Variants in ROCK2 observed in about 807,000 individuals in gnomAD.
ROCK2 encodes the protein rho-associated protein kinase 2.
A neutral mutation model predicts 195.1 loss-of-function variants in ROCK2; 61 were observed. The observed-to-expected ratio is 0.31, with a 90% confidence interval of 0.25 to 0.39. The LOEUF (loss-of-function observed/expected upper bound fraction) is 0.39. Ranked by LOEUF, ROCK2 falls within the 10% of genes least tolerant of loss-of-function variation. ROCK2 has a pLI of 1.00. For missense variants in ROCK2, 1,109 were observed against 1,637.4 expected (o/e 0.68, Z 5.57); for synonymous variants, 504 against 545.5 (o/e 0.92, Z 1.06).
rs1669208926 is a variant in ROCK2, at chr2:11,344,261, C to T, written c.-125G>A. On this transcript the variant is annotated 5_prime_UTR_variant, in exon 1 of 33. Transcript: ENST00000315872. This position sits in a 1 kb window ranked among gnomAD's most constrained non-coding sequence, Gnocchi z 5.4. ...ACCCGGGCCCACCGCCTGCCTCTAG[C>T]TCCGGCTTCGGGTCTCCAAGGCGGT... 7.7e-7 allele frequency: 1 copy of T among 1,294,850 alleles called. No individual in the cohort carries two copies. Among genetic ancestry groups the T allele is most frequent in the East Asian group, 3.2e-5 (1 of 31,256 alleles). The allele number at this position is 1,294,850 out of a possible 1,614,324, so 80.2% of individuals were successfully genotyped here.
intron 1 of ROCK2, among the ~76,000 whole-genome samples, chr2:11,326,815 A>C (rs951563792): frequency 1.3e-5 from 2 of 152,216 alleles, no homozygotes; most frequent in African/African-American, 4.8e-5. Flanking sequence ...GAAGGAAAGG[A>C]AGAACAAATG....
intron 3 of ROCK2, among the ~76,000 whole-genome samples, chr2:11,274,756 T>G (rs1558349602): frequency 6.6e-6 from 1 of 152,204 alleles, no homozygotes; most frequent in Non-Finnish European, 1.5e-5. Flanking sequence ...TAACTCATTC[T>G]ATGAGGCCAG....
intron 1 of ROCK2, among the ~76,000 whole-genome samples, chr2:11,340,618 T>C (rs1014449731): frequency 1.3e-5 from 2 of 152,226 alleles, no homozygotes; most frequent in African/African-American, 4.8e-5. Flanking sequence ...ATTGTATCTT[T>C]ATAATGTTCT....
intron 27 of ROCK2, among the ~76,000 whole-genome samples, chr2:11,195,572 T>C (rs1228975485): frequency 1.3e-5 from 2 of 152,228 alleles, no homozygotes; most frequent in African/African-American, 4.8e-5. Context: ...TGGAATGTAG[T>C]GGCGTAATCT....
intron 1 of ROCK2, among the ~76,000 whole-genome samples, chr2:11,306,954 G>A (rs1667877195): frequency 1.3e-5 from 2 of 152,104 alleles, no homozygotes; most frequent in South Asian, 2.1e-4. Flanking sequence ...AGGTTTTCTT[G>A]GGGGAAAAAA....
intron 32 of ROCK2, among the ~76,000 whole-genome samples, chr2:11,187,042 A>G (rs542630825): frequency 6.6e-6 from 1 of 152,210 alleles, no homozygotes; most frequent in Non-Finnish European, 1.5e-5. Context: ...CTTTGGAAAG[A>G]GTGCATTTAA....
Position 11,216,225 on chromosome 2 carries a change from A to T in ROCK2, c.1413-19T>A. 2 of 1,559,470 alleles carry T rather than the reference A, an allele frequency of 1.3e-6. No individual in the cohort carries two copies. The highest frequency in any genetic ancestry group is 8.8e-7 in the Non-Finnish European group (1 of 1,131,568). ...AACAGATCTAAAGAATTTCAGAAAGAAACAGTAAATAACTTCTAATTTACA... is the reference window on the plus strand; with the variant it reads ...AACAGATCTAAAGAATTTCAGAAAGTAACAGTAAATAACTTCTAATTTACA... On this transcript the variant is annotated intron_variant, in intron 12 of 32. Coordinates refer to ENST00000315872, the MANE Select transcript of ROCK2 (RefSeq NM_004850.5).
rs960307190 is a variant in ROCK2 at position 11,287,694 on chromosome 2, A to C, written c.184T>G (p.Leu62Val). The C allele has an allele frequency of 7.6e-7, 1 of 1,320,772 alleles. No individual in the cohort carries two copies. The highest frequency in any genetic ancestry group is 1.0e-6 in the Non-Finnish European group (1 of 987,268). The allele number at this position is 1,320,772 out of a possible 1,614,324, so 81.8% of individuals were successfully genotyped here. The change falls in exon 2 of 33, where the codon TTG (leucine) becomes GTG (valine). Residue 62 changes from leucine to valine, a missense_variant. By Grantham distance (32) the Leu-to-Val change is conservative. Around this residue, in one of 6 missense-constraint regions of ROCK2, gnomAD observed 253 missense variants for 455.5 expected, o/e 0.56. Transcript: ENST00000315872. Reference protein sequence around the residue: ...SLVLDLDFPALRKNKNIDNFL... With the variant: ...SLVLDLDFPAVRKNKNIDNFL... ...TTATCTATGTTCTTGTTTTTCCTCA[A>C]AGCAGGAAAATCTAAATCAAGGACC...
Position 11,227,386 on chromosome 2 carries a change from G to A in ROCK2, c.736C>T (p.His246Tyr). 1 of 1,612,314 alleles carries A rather than the reference G, an allele frequency of 6.2e-7. No homozygotes were observed. Among genetic ancestry groups the A allele is most frequent in the Non-Finnish European group, 8.5e-7 (1 of 1,179,248 alleles). The change falls in exon 6 of 33, where the codon CAT (histidine) becomes TAT (tyrosine). Residue 246 changes from histidine (H) to tyrosine (Y), a missense_variant. This residue lies in a region of ROCK2 where 253 missense variants were observed against 455.5 expected (regional missense o/e 0.56). Coordinates refer to ENST00000315872, the MANE Select transcript of ROCK2 (RefSeq NM_004850.5). ...CMKMDETGMV[H>Y]CDTAVGTPDY... ...GGTGTTCCAACTGCTGTATCACAAT[G>A]TACCATGCCTGTCTGCATGAACAGG...
chr2:11,205,212 G>A (rs1021705296), intron 20 of ROCK2, among the ~76,000 whole-genome samples: 7 of 152,154 alleles, frequency 4.6e-5, no homozygotes, highest in African/African-American at 1.4e-4. Context: ...GTGCCTGGCT[G>A]CAGACATATC....
chr2:11,268,804 T>C (rs1666518885), intron 3 of ROCK2, among the ~76,000 whole-genome samples: 1 of 152,210 alleles, frequency 6.6e-6, no homozygotes, highest in Non-Finnish European at 1.5e-5. Flanking sequence ...TTGACTTTCT[T>C]GGATATTCAT....
At chr2:11,186,435 C>T (rs1013723917) in intron 32 of ROCK2, among the ~76,000 whole-genome samples, 3 of 152,180 alleles carry the variant, frequency 2.0e-5, no homozygotes, top group Non-Finnish European at 4.4e-5. Context: ...TAGTGTATGA[C>T]GAGACTTCCC....
chr2:11,239,112 T>C (rs1339355256), intron 4 of ROCK2, among the ~76,000 whole-genome samples: 1 of 151,412 alleles, frequency 6.6e-6, no homozygotes, highest in Non-Finnish European at 1.5e-5. Context: ...ACTACAAAAA[T>C]CTTAAAAAAA....
chr2:11,314,734 T>C (rs1317553052), intron 1 of ROCK2, among the ~76,000 whole-genome samples: 1 of 151,984 alleles, frequency 6.6e-6, no homozygotes. Context: ...AACCATATTG[T>C]GGTATGTGAT....
chr2:11,242,114 G>C (rs975437566), intron 4 of ROCK2, among the ~76,000 whole-genome samples: 1 of 152,048 alleles, frequency 6.6e-6, no homozygotes. Context: ...CCAGAACTTT[G>C]GGAAATAAAT....
intron 23 of ROCK2, among the ~76,000 whole-genome samples, chr2:11,200,510 TTTCCACTGAACAGGATTG>T (rs2148042943): frequency 1.3e-5 from 2 of 152,316 alleles, no homozygotes; most frequent in African/African-American, 4.8e-5. Flanking sequence ...TCCCTTTTCA[TTTCCACTGAACAGGATTG>T]AATATCCCTG....
At chr2:11,236,440 A>G (rs545577043) in intron 4 of ROCK2, among the ~76,000 whole-genome samples, 1 of 152,276 alleles carries the variant, frequency 6.6e-6, no homozygotes, top group South Asian at 2.1e-4. Flanking sequence ...GCCCCATATC[A>G]ATGGAAAGAA....
intron 1 of ROCK2, among the ~76,000 whole-genome samples, chr2:11,338,889 GAAGTCA>G (rs1343651491): frequency 6.8e-6 from 1 of 146,540 alleles, no homozygotes; most frequent in Non-Finnish European, 1.5e-5. Context: ...AAGTATAGAA[GAAGTCA>G]AAGTAATCTT....
chr2:11,185,462 C>T (rs1486578047), intron 32 of ROCK2, among the ~76,000 whole-genome samples: 1 of 152,212 alleles, frequency 6.6e-6, no homozygotes, highest in African/African-American at 2.4e-5. Flanking sequence ...GATGCGGTGG[C>T]TCACGTCTGT....
Sources: allele counts gnomAD v4.1 joint callset (sites outside exome capture counted in the v4.1 genomes callset), GRCh38; gene constraint gnomAD v4.1.1; regional missense constraint gnomAD v4.1.1; non-coding constraint Gnocchi (gnomAD v3.1); transcripts MANE v1.5; gene names NCBI Gene and HGNC (gene_info 2026-07-23, HGNC 2026-07-21).